CACNA1A: variants seen among roughly 807,000 people sequenced by gnomAD.
CACNA1A encodes calcium voltage-gated channel subunit alpha1 A.
A neutral mutation model predicts 262.4 loss-of-function variants in CACNA1A; 57 were observed. The observed-to-expected ratio is 0.22, with a 90% CI of 0.18 to 0.27. The LOEUF is 0.27. CACNA1A is among the 10% of genes least tolerant of loss of function. The pLI, the probability that CACNA1A is intolerant of heterozygous loss-of-function variation, is 1.00. For missense variants in CACNA1A, 2,526 were observed against 3,562.8 expected (o/e 0.71, Z 7.41); for synonymous variants, 1,431 against 1,419.3 (o/e 1.01, Z -0.18).
intron 38 of CACNA1A, among the ~76,000 whole-genome samples, chr19:13,216,930 T>C (rs1600099593): frequency 6.6e-6 from 1 of 152,112 alleles, no homozygotes. Context: ...TGAAAGAGGA[T>C]AGGGTCCAGC....
chr19:13,294,679 G>A (rs926141359), intron 19 of CACNA1A, among the ~76,000 whole-genome samples: 3 of 151,816 alleles, frequency 2.0e-5, no homozygotes, highest in African/African-American at 7.3e-5. Flanking sequence ...AGTAGAGACA[G>A]GGTTTTGCCA....
At chr19:13,264,326 G>A (rs541069401) in intron 24 of CACNA1A, among the ~76,000 whole-genome samples, 5 of 152,030 alleles carry the variant, frequency 3.3e-5, no homozygotes, top group Admixed American at 1.3e-4. Context: ...TTAACATCCC[G>A]CCATCCATTC....
chr19:13,439,411 T>C (rs2144870299), intron 3 of CACNA1A, among the ~76,000 whole-genome samples: 1 of 149,120 alleles, frequency 6.7e-6, no homozygotes, highest in African/African-American at 2.5e-5. Context: ...TTTTTCTTTT[T>C]TTTTTTTTGA....
At chr19:13,326,325 AAAAAAAAG>A (rs948837928) in intron 10 of CACNA1A, among the ~76,000 whole-genome samples, 2 of 146,340 alleles carry the variant, frequency 1.4e-5, no homozygotes, top group African/African-American at 5.5e-5. Flanking sequence ...AAAAAAAAAG[AAAAAAAAG>A]AAAAAAAAAT....
At chr19:13,505,818 C>A in intron 1 of CACNA1A, 114 bp downstream of exon 1, 3 of 1,100,408 alleles carry the variant, frequency 2.7e-6, no homozygotes, top group Non-Finnish European at 4.0e-6. Flanking sequence ...CCTGGAAGAC[C>A]CCCCTCCTCC....
At chr19:13,412,912 G>C (rs1205405989) in intron 3 of CACNA1A, among the ~76,000 whole-genome samples, 1 of 152,144 alleles carries the variant, frequency 6.6e-6, no homozygotes, top group African/African-American at 2.4e-5. Context: ...ACATGTTATG[G>C]TGTGACTTAA....
chr19:13,219,959 A>AG (rs1177024860), intron 38 of CACNA1A, among the ~76,000 whole-genome samples: 3 of 81,308 alleles, frequency 3.7e-5, no homozygotes, highest in East Asian at 8.0e-4. Flanking sequence ...CAAAAAAAAA[A>AG]AAAAAAAGAA....
At chr19:13,452,111 A>C (rs1471126821) in intron 3 of CACNA1A, 1 of 152,254 alleles carries the variant, frequency 6.6e-6, no homozygotes, top group African/African-American at 2.4e-5. Context: ...CTGAGATTAC[A>C]GGCATGCACC....
At chr19:13,502,771 G>T (rs1399741842) in intron 1 of CACNA1A, among the ~76,000 whole-genome samples, 1 of 152,186 alleles carries the variant, frequency 6.6e-6, no homozygotes, top group Non-Finnish European at 1.5e-5. Flanking sequence ...AGGGATGAAA[G>T]AGGAAGAAAT....
At chr19:13,435,859 C>CT (rs2060603099) in intron 3 of CACNA1A, among the ~76,000 whole-genome samples, 1 of 152,108 alleles carries the variant, frequency 6.6e-6, no homozygotes, top group African/African-American at 2.4e-5. Context: ...GAGTCTCACT[C>CT]TGTCATCCAG....
intron 3 of CACNA1A, among the ~76,000 whole-genome samples, chr19:13,383,327 G>C (rs1049402611): frequency 6.6e-6 from 1 of 152,166 alleles, no homozygotes; most frequent in African/African-American, 2.4e-5. Flanking sequence ...CAGGGTTTTG[G>C]CCTGAGCTAA....
At chr19:13,384,833 C>T (rs991456299) in intron 3 of CACNA1A, among the ~76,000 whole-genome samples, 10 of 152,224 alleles carry the variant, frequency 6.6e-5, no homozygotes, top group African/African-American at 2.2e-4. Context: ...GCATTTCATA[C>T]GGCATCAGGG....
chr19:13,499,377 A>T (rs1982070409), intron 1 of CACNA1A, among the ~76,000 whole-genome samples: 1 of 145,652 alleles, frequency 6.9e-6, no homozygotes, highest in African/African-American at 2.6e-5. Context: ...GAGAATGCAA[A>T]ATGTCCAAAG....
intron 31 of CACNA1A, among the ~76,000 whole-genome samples, chr19:13,239,006 A>G (rs2055977724): frequency 6.6e-6 from 1 of 151,836 alleles, no homozygotes; most frequent in Non-Finnish European, 1.5e-5. Flanking sequence ...CTCCACTGTC[A>G]TCTCTTGCTG....
intron 6 of CACNA1A, among the ~76,000 whole-genome samples, chr19:13,338,887 A>G (rs905830804): frequency 2.0e-5 from 3 of 151,672 alleles, no homozygotes; most frequent in African/African-American, 7.3e-5. Context: ...TTTTTTTGAG[A>G]CGGAGTCTTA....
rs1456216747 is a variant in CACNA1A at position 13,236,287 on chromosome 19, T to C, written c.4951-557A>G. Among the ~76,000 whole-genome samples the C allele has an allele frequency of 6.6e-6, 1 of 152,016 alleles. No homozygotes were observed. The highest frequency in any genetic ancestry group is 6.5e-5 in the Admixed American group (1 of 15,268). On this transcript the variant is annotated intron_variant, in intron 31 of 46. Coordinates refer to ENST00000360228, the MANE Select transcript of CACNA1A (RefSeq NM_001127222.2). The surrounding 1 kb of genome is among the most constrained non-coding windows in gnomAD (Gnocchi z 4.6). ...TGCGGGTTCCGAGGGCATGTTACGC[T>C]CCGGGCCAGAAATGCATCTGTCACG...
chr19:13,255,339 G>A (rs1055491220), intron 28 of CACNA1A, 80 bp from the exon 29 acceptor site: 55 of 1,346,166 alleles, frequency 4.1e-5, no homozygotes, highest in Non-Finnish European at 5.4e-5. Flanking sequence ...TGTCTAACTC[G>A]TCGCGGTTCT....
At chr19:13,262,556 G>A in intron 25 of CACNA1A, 178 bp downstream of exon 25, 1 of 595,110 alleles carries the variant, frequency 1.7e-6, no homozygotes. Context: ...TTTTAGGTCA[G>A]CTCACTTTAC....
intron 3 of CACNA1A, among the ~76,000 whole-genome samples, chr19:13,421,510 T>C (rs772151598): frequency 6.6e-6 from 1 of 152,134 alleles, no homozygotes; most frequent in Non-Finnish European, 1.5e-5. Context: ...TGAATGTCTG[T>C]GTCTTTCTCA....
Sources: allele counts gnomAD v4.1 joint callset (sites outside exome capture counted in the v4.1 genomes callset), GRCh38; gene constraint gnomAD v4.1.1; non-coding constraint Gnocchi (gnomAD v3.1); transcripts MANE v1.5; gene names NCBI Gene and HGNC (gene_info 2026-07-23, HGNC 2026-07-21).